SLC9A2: variants seen among roughly 807,000 people sequenced by gnomAD.
SLC9A2 encodes sodium/hydrogen exchanger 2.
Under a neutral mutation model 71.7 loss-of-function variants are expected in SLC9A2, and 42 were observed. The ratio of observed to expected loss-of-function variants is 0.59; its 90% CI spans 0.46 to 0.76. The LOEUF is 0.76. SLC9A2 is among the 30% of genes least tolerant of loss of function. SLC9A2 has a pLI of 0.00. For synonymous variants in SLC9A2, 396 were observed against 392.5 expected, an observed-to-expected ratio of 1.01 and a Z score of -0.10; for missense variants, 829 against 1,017.4, an observed-to-expected ratio of 0.81 and a Z score of 2.52.
intron 3 of SLC9A2, among the ~76,000 whole-genome samples, chr2:102,671,655 C>T (rs1300707019): frequency 6.6e-6 from 1 of 152,116 alleles, no homozygotes; most frequent in East Asian, 1.9e-4. Flanking sequence ...TTAGTAGATT[C>T]AATAGATGGA....
At chr2:102,642,404 T>A (rs1460930527) in intron 1 of SLC9A2, among the ~76,000 whole-genome samples, 2 of 151,152 alleles carry the variant, frequency 1.3e-5, no homozygotes, top group Non-Finnish European at 2.9e-5. Flanking sequence ...CGTCACATAC[T>A]TTTTCTGCAT....
intron 5 of SLC9A2, among the ~76,000 whole-genome samples, chr2:102,694,123 G>C (rs1219568718): frequency 2.0e-5 from 3 of 151,896 alleles, no homozygotes; most frequent in African/African-American, 7.3e-5. Flanking sequence ...TTATTATTTT[G>C]TGTAATTACT....
In SLC9A2 at chr2:102,706,730, C is replaced by G. The variant is rs572527101; in HGVS notation, c.2068+794C>G. ...TCCAGCAAATATTGTCATCATGGGG[C>G]CCAAGGGCAGGTAAACAAAAAGTTG... On this transcript the variant is annotated intron_variant, in intron 11 of 11. Coordinates refer to ENST00000233969, the MANE Select transcript of SLC9A2 (RefSeq NM_003048.6). 8.2e-4 allele frequency among the ~76,000 whole-genome samples: 124 copies of G among 152,138 alleles called. 1 individual carries two copies. Among genetic ancestry groups the G allele is most frequent in the African/African-American group, 3.0e-3 (123 of 41,480 alleles).
chr2:102,657,177 G>A (rs1022873800), intron 1 of SLC9A2, among the ~76,000 whole-genome samples: 1 of 150,960 alleles, frequency 6.6e-6, no homozygotes. Context: ...CTGTACTCCA[G>A]CCCAGGTGAC....
chr2:102,700,315 A>T (rs1265297263), intron 7 of SLC9A2, among the ~76,000 whole-genome samples: 1 of 152,220 alleles, frequency 6.6e-6, no homozygotes, highest in African/African-American at 2.4e-5. Context: ...GATGCTATTA[A>T]AAGCTAGGAG....
chr2:102,668,932 A>G (rs1481389260), intron 3 of SLC9A2, among the ~76,000 whole-genome samples: 3 of 152,202 alleles, frequency 2.0e-5, no homozygotes, highest in African/African-American at 7.2e-5. Flanking sequence ...CTTAATGAGC[A>G]GGTAGTTACT....
rs201828131 is a variant in SLC9A2 at position 102,657,734 on chromosome 2, G to A, written c.460G>A (p.Gly154Ser). The A allele has an allele frequency of 2.9e-5, 46 of 1,614,032 alleles. No individual in the cohort carries two copies. Among genetic ancestry groups the A allele is most frequent in the Admixed American group, 5.0e-5 (3 of 59,992 alleles). Residue 154 changes from glycine (G) to serine (S), a missense_variant, in exon 2 of 12, where the codon GGC becomes AGC. By Grantham distance (56) the Gly-to-Ser change is moderately conservative (BLOSUM62 0). This residue lies in a region of SLC9A2 where 500 missense variants were observed against 726.3 expected (regional missense o/e 0.69). Transcript: ENST00000233969. ...CCTCCCACCCATCGTGCTGGATGCCGGCTATTTCATGCCCACTCGCCCATT... is the reference window on the plus strand; with the variant it reads ...CCTCCCACCCATCGTGCTGGATGCCAGCTATTTCATGCCCACTCGCCCATT... Reference protein sequence around the residue: ...YLLPPIVLDAGYFMPTRPFFE... With the variant: ...YLLPPIVLDASYFMPTRPFFE...
intron 1 of SLC9A2, among the ~76,000 whole-genome samples, chr2:102,652,872 T>C (rs943159462): frequency 6.6e-6 from 1 of 152,250 alleles, no homozygotes; most frequent in Non-Finnish European, 1.5e-5. Flanking sequence ...AGGATGATGA[T>C]TCCAAGAAAG....
chr2:102,645,968 C>T (rs960731233), intron 1 of SLC9A2, among the ~76,000 whole-genome samples: 1 of 152,110 alleles, frequency 6.6e-6, no homozygotes, highest in Non-Finnish European at 1.5e-5. Flanking sequence ...CTAAGATACT[C>T]CTCAAGAAGA....
At position 102,701,074 on chromosome 2, in the gene SLC9A2, A is replaced by C. The variant is rs1356176845; in HGVS notation, c.1591A>C (p.Lys531Gln). ...WGHNFWRDKF[K>Q]KFDDKYLRKL... ...TGAAAGTTTCTTTATTTACAGGTTT[A>C]AGAAGTTTGATGATAAATATCTGCG... The change falls in exon 8 of 12, where the codon AAG (lysine) becomes CAG (glutamine). Residue 531 changes from lysine to glutamine, a missense_variant. Transcript: ENST00000233969. 1 of 1,595,184 alleles carries C rather than the reference A, an allele frequency of 6.3e-7. No homozygotes were observed. Among genetic ancestry groups the C allele is most frequent in the Non-Finnish European group, 8.5e-7 (1 of 1,170,764 alleles).
chr2:102,644,468 G>A (rs1440388486), intron 1 of SLC9A2, among the ~76,000 whole-genome samples: 1 of 152,138 alleles, frequency 6.6e-6, no homozygotes, highest in Non-Finnish European at 1.5e-5. Flanking sequence ...AGAGAGAACT[G>A]TTCACTCCCC....
intron 3 of SLC9A2, among the ~76,000 whole-genome samples, chr2:102,670,766 C>G (rs1430526065): frequency 6.6e-6 from 1 of 151,000 alleles, no homozygotes; most frequent in African/African-American, 2.4e-5. Context: ...CGAAGATCAT[C>G]TGCTCTCTTC....
chr2:102,701,361 G>A, intron 8 of SLC9A2, 130 bp downstream of exon 8: 1 of 677,456 alleles, frequency 1.5e-6, no homozygotes, highest in East Asian at 3.2e-5. Context: ...CAGAGTGCTG[G>A]GATTACAGGC....
chr2:102,703,013 T>C (rs1217236832), intron 9 of SLC9A2, among the ~76,000 whole-genome samples: 1 of 152,118 alleles, frequency 6.6e-6, no homozygotes, highest in Non-Finnish European at 1.5e-5. Context: ...CATTTAATCC[T>C]CCAGTGAGTG....
intron 2 of SLC9A2, among the ~76,000 whole-genome samples, chr2:102,660,843 G>T (rs1003190214): frequency 6.6e-6 from 1 of 152,190 alleles, no homozygotes; most frequent in African/African-American, 2.4e-5. Flanking sequence ...GAGTCACTAG[G>T]AGTTGCAGAT....
chr2:102,645,542 C>G (rs999004475), intron 1 of SLC9A2, among the ~76,000 whole-genome samples: 2 of 151,954 alleles, frequency 1.3e-5, no homozygotes, highest in African/African-American at 4.8e-5. Flanking sequence ...TGCAAGGAAG[C>G]TAAGAGCCTT....
At chr2:102,655,862 G>T (rs2104518532) in intron 1 of SLC9A2, among the ~76,000 whole-genome samples, 1 of 152,330 alleles carries the variant, frequency 6.6e-6, no homozygotes, top group African/African-American at 2.4e-5. Flanking sequence ...TCTTGTTTCA[G>T]CCTCACATGG....
At chr2:102,643,179 C>G (rs185115299) in intron 1 of SLC9A2, among the ~76,000 whole-genome samples, 1 of 152,152 alleles carries the variant, frequency 6.6e-6, no homozygotes, top group East Asian at 1.9e-4. Flanking sequence ...CGTCCATGTT[C>G]TCTGCGTTCT....
intron 1 of SLC9A2, among the ~76,000 whole-genome samples, chr2:102,637,704 A>T (rs1175382334): frequency 2.0e-5 from 3 of 152,202 alleles, no homozygotes; most frequent in African/African-American, 4.8e-5. Context: ...AACCAACTGC[A>T]GTGCCCCAGC....
Sources: gnomAD v4.1 joint callset for allele counts (sites outside exome capture counted in the v4.1 genomes callset) on GRCh38, gnomAD v4.1.1 for gene constraint, gnomAD v4.1.1 regional missense constraint, MANE v1.5 for transcripts, NCBI Gene and HGNC (gene_info 2026-07-23, HGNC 2026-07-21) for gene names.